DTX2: variants seen among roughly 807,000 people sequenced by gnomAD.
DTX2 encodes probable E3 ubiquitin-protein ligase DTX2.
Under a neutral mutation model 55.3 loss-of-function variants are expected in DTX2, and 29 were observed. The ratio of observed to expected loss-of-function variants is 0.52; its 90% CI spans 0.39 to 0.71. The LOEUF (loss-of-function observed/expected upper bound fraction) is 0.71, where lower values mean the gene tolerates loss of function less well. DTX2 is among the 30% of genes least tolerant of loss of function. The probability of loss-of-function intolerance (pLI) is 0.00; values close to 1 mark genes in which losing one functional copy is unlikely to be tolerated. For missense variants in DTX2, 537 were observed against 822.5 expected, an observed-to-expected ratio of 0.65 and a Z score of 4.25; for synonymous variants, 276 against 340.4, an observed-to-expected ratio of 0.81 and a Z score of 2.08.
rs1428371798 is a variant in DTX2 at position 76,480,729 on chromosome 7, C to A, written c.220C>A (p.Pro74Thr). Residue 74 changes from proline (P) to threonine (T), a missense_variant, in exon 3 of 11, where the codon CCT becomes ACT. Transcript: ENST00000430490. ...PLGQADPSLA[P>T]YIIDLPSWTQ... ...GGGCCAGGCAGACCCCTCGCTGGCC[C>A]CTTACATTATTGACCTCCCCAGCTG... The A allele has an allele frequency of 5.6e-6, 9 of 1,613,172 alleles. No individual in the cohort carries two copies. The East Asian group carries it at 2.0e-4, about 36-fold the overall frequency.
chr7:76,472,835 C>T (rs1346726213), intron 2 of DTX2, among the ~76,000 whole-genome samples: 1 of 152,126 alleles, frequency 6.6e-6, no homozygotes, highest in Non-Finnish European at 1.5e-5. Flanking sequence ...TGGAGTTTGC[C>T]CTATGCTTCT....
chr7:76,482,795 A>G lies in DTX2; in HGVS notation c.556A>G (p.Ile186Val), dbSNP rs1431534889. Residue 186 changes from isoleucine to valine, a missense_variant, in exon 4 of 11, where the codon ATC becomes GTC. Ile to Val is a conservative substitution (Grantham distance 29). Around this residue, in one of 7 missense-constraint regions of DTX2, gnomAD observed 301 missense variants for 396.6 expected, o/e 0.76. Coordinates refer to ENST00000430490, the MANE Select transcript of DTX2 (RefSeq NM_001102594.3). ...GCCGCCTTACCCGGTGACCACCATC[A>G]TCGCTCCGCCGGGCCACACAGGCGT... The part of the protein sequence containing the change: ...AGPPYPVTTI[I>V]APPGHTGVAC... 20 of 1,613,802 alleles carry G rather than the reference A, an allele frequency of 1.2e-5. No individual in the cohort carries two copies. Among genetic ancestry groups the G allele is most frequent in the East Asian group, 2.2e-5 (1 of 44,872 alleles).
In DTX2 at chr7:76,482,998, C is replaced by T. The variant is rs373466186; in HGVS notation, c.759C>T (p.Ser253=). 1.5e-4 allele frequency: 239 copies of T among 1,613,462 alleles called. No individual in the cohort carries two copies. The highest frequency in any genetic ancestry group is 5.0e-4 in the Middle Eastern group (3 of 6,052). Residue 253 remains serine (S), a synonymous_variant, in exon 4 of 11, where the codon TCC becomes TCT. Coordinates refer to ENST00000430490, the MANE Select transcript of DTX2 (RefSeq NM_001102594.3). ...AFAPYNKPSL[S]GARSAPRLNT... is the part of the protein sequence containing the mutation. ...CACCGTACAACAAACCCTCACTCTC[C>T]GGGGCCCGGTCTGCGCCCAGGCTGA...
intron 7 of DTX2, among the ~76,000 whole-genome samples, chr7:76,501,674 T>C (rs987779284): frequency 2.6e-5 from 4 of 151,628 alleles, no homozygotes; most frequent in African/African-American, 9.7e-5. Flanking sequence ...CAGAACGTCC[T>C]CCTCCCTCTT....
chr7:76,478,394 C>T (rs1450662922), intron 2 of DTX2, among the ~76,000 whole-genome samples: 1 of 142,776 alleles, frequency 7.0e-6, no homozygotes, highest in Non-Finnish European at 1.5e-5. Flanking sequence ...TCAGTGTGCA[C>T]ACACACTGCA....
intron 6 of DTX2, among the ~76,000 whole-genome samples, chr7:76,498,341 G>A (rs1335484304): frequency 2.6e-5 from 4 of 151,400 alleles, no homozygotes; most frequent in Non-Finnish European, 5.9e-5. Context: ...GGAGGGGTGG[G>A]CCTCGAGCTC....
chr7:76,489,871 A>T (rs1314436757), intron 4 of DTX2, among the ~76,000 whole-genome samples: 1 of 139,608 alleles, frequency 7.2e-6, no homozygotes, highest in Admixed American at 7.4e-5. Context: ...CATTGTAGGG[A>T]ACAAAACCCT....
At position 76,505,660 on chromosome 7, in the gene DTX2, G is replaced by A. The variant is rs1812267698; in HGVS notation, c.*59G>A. 6.6e-7 allele frequency: 1 copy of A among 1,508,854 alleles called. No homozygotes were observed. Among genetic ancestry groups the A allele is most frequent in the Non-Finnish European group, 8.9e-7 (1 of 1,125,100 alleles). 93.5% of individuals were successfully genotyped at this position (1,508,854 alleles called of 1,614,324 possible). On this transcript the variant is annotated 3_prime_UTR_variant, in exon 11 of 11. Coordinates refer to ENST00000430490, the MANE Select transcript of DTX2 (RefSeq NM_001102594.3). The surrounding 1 kb of genome is among the most constrained non-coding windows in gnomAD (Gnocchi z 4.4). ...ACCCCGCTGCCCCATGGCTGGCTGG[G>A]TGGCCAGGCAGGAAGTGCCCAGCCC...
rs968675104 is a variant in DTX2, at chr7:76,483,054, C to A, written c.815C>A (p.Pro272His). ...NTTNAWGAAP[P>H]SLGSQPLYRS... is the part of the protein sequence containing the mutation. ...ACCAACGCCTGGGGCGCAGCTCCTC[C>A]TTCCCTGGGGAGCCAGCCCCTCTAC... The change falls in exon 4 of 11, where the codon CCT becomes CAT. Residue 272 changes from proline (P) to histidine (H), a missense_variant. Coordinates refer to ENST00000430490, the MANE Select transcript of DTX2 (RefSeq NM_001102594.3). The A allele has an allele frequency of 6.2e-7, 1 of 1,613,234 alleles. No homozygotes were observed. The highest frequency in any genetic ancestry group is 1.3e-5 in the African/African-American group (1 of 74,930).
rs1047815143 is a variant in DTX2, at chr7:76,464,906, T to A, written c.-90+1197T>A. On this transcript the variant is annotated intron_variant, in intron 2 of 10. Transcript: ENST00000430490. ...AAAAGGAACTTGCTAAGAGGGTGTT[T>A]TCTTTCATTCTTTTTGTTGTTGTTG... Among the ~76,000 whole-genome samples, 24 of 150,748 alleles carry A rather than the reference T, an allele frequency of 1.6e-4. 1 individual carries two copies. The highest frequency in any genetic ancestry group is 5.7e-4 in the African/African-American group (23 of 40,262).
chr7:76,477,361 T>G (rs1584159425), intron 2 of DTX2, among the ~76,000 whole-genome samples: 1 of 135,332 alleles, frequency 7.4e-6, no homozygotes, highest in Non-Finnish European at 1.6e-5. Context: ...ACTGAAAGGG[T>G]GGGCAAGTGC....
At chr7:76,503,344 C>A (rs1408176798) in intron 8 of DTX2, 82 bp from the exon 9 acceptor site, 4 of 1,481,860 alleles carry the variant, frequency 2.7e-6, no homozygotes, top group Non-Finnish European at 2.7e-6. Context: ...ATTCCCGGGG[C>A]CCTTTACCAT....
intron 4 of DTX2, among the ~76,000 whole-genome samples, chr7:76,486,885 T>TGCC (rs1193146928): frequency 2.6e-3 from 11 of 4,178 alleles, no homozygotes; most frequent in East Asian, 8.5e-3. Context: ...CTGCTGCTGC[T>TGCC]GCCCTTGCCT....
intron 4 of DTX2, among the ~76,000 whole-genome samples, chr7:76,488,254 G>A (rs1782389155): frequency 1.2e-5 from 1 of 81,664 alleles, no homozygotes; most frequent in East Asian, 3.2e-4. Context: ...CTTCTTGTTC[G>A]TTCTTTAGGA....
At chr7:76,482,067 T>G (rs1432495148) in intron 3 of DTX2, among the ~76,000 whole-genome samples, 1 of 152,164 alleles carries the variant, frequency 6.6e-6, no homozygotes, top group East Asian at 1.9e-4. Flanking sequence ...AGCTCCCAAG[T>G]CGTTGCCTTC....
chr7:76,481,189 C>CT (rs11320055), intron 3 of DTX2, among the ~76,000 whole-genome samples: 111 of 143,906 alleles, frequency 7.7e-4, no homozygotes, highest in African/African-American at 8.0e-4. Flanking sequence ...GTGTTTTGAT[C>CT]TTTTTTTTTT....
chr7:76,475,570 C>G (rs1410406819), intron 2 of DTX2, among the ~76,000 whole-genome samples: 5 of 146,688 alleles, frequency 3.4e-5, no homozygotes, highest in Non-Finnish European at 7.5e-5. Context: ...GCCTGTAATC[C>G]CAACTACTTG....
Position 76,481,537 on chromosome 7 carries a change from T to G in DTX2, c.268+760T>G, listed in dbSNP as rs556566197. On this transcript the variant is annotated intron_variant, in intron 3 of 10. Coordinates refer to ENST00000430490, the MANE Select transcript of DTX2 (RefSeq NM_001102594.3). Reference sequence around the variant, plus strand: ...TTGAGAATGAGGCACCAGTTTCCTCTCGGAGCCATCCCTTACTCTAATCTG... The same window carrying G: ...TTGAGAATGAGGCACCAGTTTCCTCGCGGAGCCATCCCTTACTCTAATCTG... Among the ~76,000 whole-genome samples the G allele has an allele frequency of 7.9e-5, 12 of 152,246 alleles. No homozygotes were observed. The East Asian group carries it at 2.3e-3, about 29-fold the overall frequency.
chr7:76,474,380 A>G (rs889602489), intron 2 of DTX2, among the ~76,000 whole-genome samples: 2 of 152,054 alleles, frequency 1.3e-5, no homozygotes, highest in Non-Finnish European at 2.9e-5. Flanking sequence ...CGGACAGCAT[A>G]TAATCACATG....
Sources: gnomAD v4.1 joint callset for allele counts (sites outside exome capture counted in the v4.1 genomes callset) on GRCh38, gnomAD v4.1.1 for gene constraint, gnomAD v4.1.1 regional missense constraint, Gnocchi (gnomAD v3.1) non-coding constraint, MANE v1.5 for transcripts, NCBI Gene and HGNC (gene_info 2026-07-23, HGNC 2026-07-21) for gene names.